EPHA7: variants seen among roughly 807,000 people sequenced by gnomAD.
The protein encoded by EPHA7 is EPH receptor A7, also known as ephrin type-A receptor 7.
Under a neutral mutation model 112.6 loss-of-function variants are expected in EPHA7, and 25 were observed. That is an observed-to-expected ratio of 0.22 (90% confidence interval 0.16 to 0.31). EPHA7 has a LOEUF of 0.31. Among genes scored for constraint, EPHA7 ranks in the 10% least tolerant of loss-of-function variants. The pLI, the probability that EPHA7 is intolerant of heterozygous loss-of-function variation, is 1.00. For synonymous variants in EPHA7, 437 were observed against 406.5 expected (o/e 1.07, Z -0.90); for missense variants, 962 against 1,212.6 (o/e 0.79, Z 3.07).
At chr6:93,295,991 A>C (rs1044892698) in intron 5 of EPHA7, among the ~76,000 whole-genome samples, 8 of 151,866 alleles carry the variant, frequency 5.3e-5, no homozygotes, top group African/African-American at 1.9e-4. Flanking sequence ...ATATTTAATT[A>C]ATAAATTAAT....
intron 5 of EPHA7, among the ~76,000 whole-genome samples, chr6:93,354,042 AG>A (rs1408422562): frequency 6.6e-6 from 1 of 152,122 alleles, no homozygotes; most frequent in Admixed American, 6.6e-5. Flanking sequence ...CTTTTATGCT[AG>A]GCATCAGTGG....
chr6:93,337,270 C>T (rs1269190722), intron 5 of EPHA7, among the ~76,000 whole-genome samples: 3 of 152,156 alleles, frequency 2.0e-5, no homozygotes, highest in South Asian at 2.1e-4. Flanking sequence ...AGTGACTGCA[C>T]ACCATTTCCA....
chr6:93,406,031 G>T (rs1246403813), intron 3 of EPHA7, among the ~76,000 whole-genome samples: 1 of 149,956 alleles, frequency 6.7e-6, no homozygotes, highest in African/African-American at 2.4e-5. Flanking sequence ...TTATACATAT[G>T]TTCATAAATT....
chr6:93,328,758 A>G (rs903876219), intron 5 of EPHA7, among the ~76,000 whole-genome samples: 10 of 151,376 alleles, frequency 6.6e-5, no homozygotes, highest in Admixed American at 6.6e-5. Flanking sequence ...TACATAATCA[A>G]TGTGCTCCCT....
intron 5 of EPHA7, among the ~76,000 whole-genome samples, chr6:93,343,192 C>T (rs1280332071): frequency 6.6e-6 from 1 of 151,644 alleles, no homozygotes; most frequent in African/African-American, 2.4e-5. Context: ...AACAATCTAT[C>T]TGTCCCAGGA....
At chr6:93,355,364 T>C (rs1775894926) in intron 5 of EPHA7, among the ~76,000 whole-genome samples, 1 of 152,116 alleles carries the variant, frequency 6.6e-6, no homozygotes, top group Non-Finnish European at 1.5e-5. Flanking sequence ...ATATACATAG[T>C]TTTCATTATG....
Position 93,356,837 on chromosome 6 carries a change from C to G in EPHA7, c.1204G>C (p.Val402Leu). ...QTGLEDNYVTVMDLLAHANYT... is the reference protein window; with the variant it reads ...QTGLEDNYVTLMDLLAHANYT... Reference sequence around the variant, plus strand: ...TTAGCGTGGGCTAGCAGGTCCATGACAGTGACATAGTTATCCTCTAATCCA... The same window carrying G: ...TTAGCGTGGGCTAGCAGGTCCATGAGAGTGACATAGTTATCCTCTAATCCA... The change falls in exon 5 of 17, where the codon GTC becomes CTC. Residue 402 changes from valine (V) to leucine (L), a missense_variant. Around this residue, in one of 3 missense-constraint regions of EPHA7, gnomAD observed 746 missense variants for 889.2 expected, o/e 0.84. Transcript: ENST00000369303. The G allele has an allele frequency of 6.2e-7, 1 of 1,614,156 alleles. No homozygotes were observed. Among genetic ancestry groups the G allele is most frequent in the South Asian group, 1.1e-5 (1 of 91,082 alleles).
At chr6:93,283,318 G>A (rs1771868002) in intron 5 of EPHA7, among the ~76,000 whole-genome samples, 1 of 152,066 alleles carries the variant, frequency 6.6e-6, no homozygotes, top group South Asian at 2.1e-4. Flanking sequence ...AGACCAATCA[G>A]CTCTCTGTAA....
chr6:93,392,708 G>T (rs1318402934), intron 3 of EPHA7, among the ~76,000 whole-genome samples: 1 of 151,760 alleles, frequency 6.6e-6, no homozygotes, highest in Admixed American at 6.6e-5. Flanking sequence ...GATTTTAATG[G>T]CTTAAATGCA....
chr6:93,342,645 C>T (rs1456702053), intron 5 of EPHA7, among the ~76,000 whole-genome samples: 4 of 151,560 alleles, frequency 2.6e-5, no homozygotes, highest in Non-Finnish European at 5.9e-5. Context: ...TTCTTTATTG[C>T]CAGTACATTT....
intron 3 of EPHA7, among the ~76,000 whole-genome samples, chr6:93,373,777 G>A (rs1397710235): frequency 1.3e-5 from 2 of 149,418 alleles, no homozygotes; most frequent in African/African-American, 4.9e-5. Flanking sequence ...ATTCTCTTTC[G>A]AATAATCACA....
At chr6:93,417,255 C>T (rs72916103) in intron 1 of EPHA7, among the ~76,000 whole-genome samples, 1 of 152,082 alleles carries the variant, frequency 6.6e-6, no homozygotes, top group Non-Finnish European at 1.5e-5. Context: ...CCAGGAGGCC[C>T]GGCACCTGCT....
At position 93,414,693 on chromosome 6, in the gene EPHA7, A is replaced by G. The variant is rs766491188; in HGVS notation, c.162+10T>C. ...TAAAAAAGTGATATTTTATGATGAAAAAAACTTACCCCATTGGGTGGAGAG... is the reference window on the plus strand; with the variant it reads ...TAAAAAAGTGATATTTTATGATGAAGAAAACTTACCCCATTGGGTGGAGAG... On this transcript the variant is annotated intron_variant, in intron 2 of 16. Transcript: ENST00000369303. 4.7e-5 allele frequency: 75 copies of G among 1,609,154 alleles called. No individual in the cohort carries two copies. The Middle Eastern group carries it at 8.2e-4, about 18-fold the overall frequency.
At chr6:93,324,082 T>C (rs1323452683) in intron 5 of EPHA7, among the ~76,000 whole-genome samples, 4 of 151,388 alleles carry the variant, frequency 2.6e-5, no homozygotes, top group African/African-American at 9.7e-5. Context: ...TTTTGAGATT[T>C]TTCACCTAAG....
At chr6:93,256,078 T>C in intron 12 of EPHA7, 41 bp from the exon 13 acceptor site, 1 of 1,566,054 alleles carries the variant, frequency 6.4e-7, no homozygotes, top group Non-Finnish European at 8.8e-7. Flanking sequence ...AACTGCATAC[T>C]TTAAAAGGGA....
chr6:93,399,619 T>A (rs1163954577), intron 3 of EPHA7, among the ~76,000 whole-genome samples: 1 of 152,088 alleles, frequency 6.6e-6, no homozygotes, highest in African/African-American at 2.4e-5. Context: ...AAGAAGATAT[T>A]TTGTTTTCTT....
At chr6:93,359,829 T>A (rs2127948583) in intron 3 of EPHA7, among the ~76,000 whole-genome samples, 1 of 149,864 alleles carries the variant, frequency 6.7e-6, no homozygotes, top group South Asian at 2.1e-4. Context: ...ATGTTGTGAA[T>A]ATAGATCCAT....
rs372970371 is a variant in EPHA7, at chr6:93,283,525, G to T, written c.1325-11103C>A. Among the ~76,000 whole-genome samples, 3 of 152,156 alleles carry T rather than the reference G, an allele frequency of 2.0e-5. 1 individual carries two copies. Among genetic ancestry groups the T allele is most frequent in the Admixed American group, 6.5e-5 (1 of 15,276 alleles). ...GCTGTAACAATCAATGCGAAGGTCT[G>T]CAGCTTCACTCCTGAAGCCAGCAAG... On this transcript the variant is annotated intron_variant, in intron 5 of 16. Coordinates refer to ENST00000369303, the MANE Select transcript of EPHA7 (RefSeq NM_004440.4).
In EPHA7 at chr6:93,360,912, T is replaced by C. The variant is rs559300901; in HGVS notation, c.833-2501A>G. Among the ~76,000 whole-genome samples, 7 of 152,234 alleles carry C rather than the reference T, an allele frequency of 4.6e-5. No individual in the cohort carries two copies. The South Asian group carries it at 8.3e-4, about 18-fold the overall frequency. The stretch of plus-strand genomic sequence containing the variant: ...CATTTACTGTTAAAAGAGCCAAAGT[T>C]TGACACTTACGTAATGGGACTCAAG... On this transcript the variant is annotated intron_variant, in intron 3 of 16. Transcript: ENST00000369303.
Sources: gnomAD v4.1 joint callset for allele counts (sites outside exome capture counted in the v4.1 genomes callset) on GRCh38, gnomAD v4.1.1 for gene constraint, gnomAD v4.1.1 regional missense constraint, MANE v1.5 for transcripts, NCBI Gene and HGNC (gene_info 2026-07-23, HGNC 2026-07-21) for gene names.